The following COX11 variants were observed in gnomAD, a reference collection of about 807,000 sequenced individuals.
COX11 encodes cytochrome c oxidase copper chaperone COX11.
Under a neutral mutation model 29.4 loss-of-function variants are expected in COX11, and 18 were observed. That is an observed-to-expected ratio of 0.61 (90% CI 0.42 to 0.91). The LOEUF (loss-of-function observed/expected upper bound fraction) is 0.91, where lower values mean the gene tolerates loss of function less well. COX11 is among the 40% of genes least tolerant of loss of function. The probability of loss-of-function intolerance (pLI) is 0.00; values close to 1 mark genes in which losing one functional copy is unlikely to be tolerated. For missense variants in COX11, 312 were observed against 346.0 expected (o/e 0.90, Z 0.78); for synonymous variants, 131 against 124.0 (o/e 1.06, Z -0.38).
chr17:54,964,618 G>C (rs1230878392), intron 2 of COX11, 79 bp downstream of exon 2: 1 of 1,324,020 alleles, frequency 7.6e-7, no homozygotes, highest in Non-Finnish European at 1.1e-6. Flanking sequence ...GTTAAAATTA[G>C]TCCTCTGACA....
chr17:54,953,339 A>C (rs1270162595), exon 1 of COX11: 1 of 152,398 alleles, frequency 6.6e-6, no homozygotes, highest in Non-Finnish European at 1.5e-5. Context: ...GCTGCACTCC[A>C]GCCTGGGTAA....
chr17:54,957,054 A>G (rs1480209146), downstream of COX11: 1 of 152,272 alleles, frequency 6.6e-6, no homozygotes. Flanking sequence ...TAAACCAGCT[A>G]GCTGGCTGCA....
Position 54,962,394 on chromosome 17 carries a change from T to C in COX11, c.*339A>G, listed in dbSNP as rs1370551177. On this transcript the variant is annotated 3_prime_UTR_variant, in exon 4 of 4. Coordinates refer to ENST00000299335, the MANE Select transcript of COX11 (RefSeq NM_004375.5). The stretch of plus-strand genomic sequence containing the variant: ...TTTTTGAAAAACATTGTCAGATTCA[T>C]TGCTGTAAGTATGAAGAGTTAATAA... 1 of 997,834 alleles carries C rather than the reference T, an allele frequency of 1.0e-6. No individual in the cohort carries two copies. Among genetic ancestry groups the C allele is most frequent in the Non-Finnish European group, 1.2e-6 (1 of 838,902 alleles). 61.8% of individuals were successfully genotyped at this position (997,834 alleles called of 1,614,324 possible).
intron 1 of COX11, among the ~76,000 whole-genome samples, chr17:54,965,434 A>G (rs2077200582): frequency 6.6e-6 from 1 of 152,198 alleles, no homozygotes; most frequent in East Asian, 1.9e-4. Flanking sequence ...TGTATAGTAG[A>G]GCTTTTATAT....
intron 1 of COX11, 24 bp from the exon 2 acceptor site, chr17:54,964,876 T>TA: frequency 6.2e-7 from 1 of 1,604,228 alleles, no homozygotes. Flanking sequence ...CCAAATATGT[T>TA]AAACAATACT....
chr17:54,953,467 C>G (rs748943277), exon 1 of COX11: 5 of 152,300 alleles, frequency 3.3e-5, no homozygotes, highest in Non-Finnish European at 5.9e-5. Context: ...AGGCAGGGAG[C>G]CCCATGTCCC....
chr17:54,965,987 C>G (rs1462742814), intron 1 of COX11, among the ~76,000 whole-genome samples: 1 of 152,134 alleles, frequency 6.6e-6, no homozygotes, highest in South Asian at 2.1e-4. Flanking sequence ...CAGCAAGATA[C>G]AGTGTTTTAG....
chr17:54,965,629 C>T (rs2077203862), intron 1 of COX11, among the ~76,000 whole-genome samples: 2 of 152,092 alleles, frequency 1.3e-5, no homozygotes, highest in South Asian at 2.1e-4. Context: ...GAGATGGAGA[C>T]CATCCTGGCT....
intron 1 of COX11, among the ~76,000 whole-genome samples, chr17:54,967,040 GCGCACACACACACACACACACACA>G (rs2077238074): frequency 2.6e-5 from 1 of 38,448 alleles, no homozygotes; most frequent in Non-Finnish European, 9.6e-5. Context: ...GTGCGCGCGC[GCGCACACACACACACACACACACA>G]CACACACACG....
At chr17:54,967,589 C>T (rs1263190878) in intron 1 of COX11, among the ~76,000 whole-genome samples, 1 of 148,266 alleles carries the variant, frequency 6.7e-6, no homozygotes, top group African/African-American at 2.5e-5. Flanking sequence ...CTTCTTCTCC[C>T]CGCCCCACCC....
exon 1 of COX11, chr17:54,953,564 C>G (rs2049342460): frequency 6.6e-6 from 1 of 152,272 alleles, no homozygotes; most frequent in Non-Finnish European, 1.5e-5. Context: ...TTTGGACATT[C>G]CCTTTCCTAG....
At chr17:54,959,117 T>A (rs990563628), downstream of COX11, 4 of 152,114 alleles carry the variant, frequency 2.6e-5, no homozygotes, top group Non-Finnish European at 5.9e-5. Flanking sequence ...ACTGAAATCG[T>A]TTTGAGGGAG....
At position 54,968,263 on chromosome 17, in the gene COX11, G is replaced by A. The variant is rs2077306123; in HGVS notation, c.366+18C>T. ...CCTCTCGCGTCTGCGCCACCCTGCG[G>A]GCGGCGCCGGCCCCTACCTGGCAAT... is the stretch of plus-strand genomic sequence containing the variant. On this transcript the variant is annotated intron_variant, in intron 1 of 3. Transcript: ENST00000299335. 3 of 1,601,184 alleles carry A rather than the reference G, an allele frequency of 1.9e-6. No individual in the cohort carries two copies. Among genetic ancestry groups the A allele is most frequent in the Non-Finnish European group, 2.6e-6 (3 of 1,175,560 alleles).
chr17:54,959,776 CAT>C (rs923214702), downstream of COX11, among the ~76,000 whole-genome samples: 25 of 152,018 alleles, frequency 1.6e-4, no homozygotes, highest in Admixed American at 1.3e-3. Context: ...TACCACCACA[CAT>C]GATAATTTTT....
exon 1 of COX11, chr17:54,954,929 CT>C (rs2049417830): frequency 1.3e-5 from 2 of 152,190 alleles, no homozygotes; most frequent in South Asian, 4.1e-4. Context: ...CAGACCATCT[CT>C]TCTGATCTAG....
At position 54,961,246 on chromosome 17, in the gene COX11, T is replaced by A; in HGVS notation, c.*1487A>T. 6.5e-7 allele frequency: 1 copy of A among 1,544,254 alleles called. No homozygotes were observed. Among genetic ancestry groups the A allele is most frequent in the Non-Finnish European group, 8.8e-7 (1 of 1,140,198 alleles). On this transcript the variant is annotated 3_prime_UTR_variant, in exon 4 of 4. Coordinates refer to ENST00000299335, the MANE Select transcript of COX11 (RefSeq NM_004375.5). ...TCTCTTTATTTTAGAAGAAAGTGGATGATCAGCTCACTACCACATCAAAGG... is the reference window on the plus strand; with the variant it reads ...TCTCTTTATTTTAGAAGAAAGTGGAAGATCAGCTCACTACCACATCAAAGG...
At chr17:54,958,675 A>G (rs1003235539), downstream of COX11, among the ~76,000 whole-genome samples, 1 of 143,960 alleles carries the variant, frequency 6.9e-6, no homozygotes, top group Non-Finnish European at 1.5e-5. Flanking sequence ...GGCTGCAGTG[A>G]GCTGAGATCC....
intron 3 of COX11, 67 bp downstream of exon 3, chr17:54,963,239 C>T: frequency 2.6e-6 from 4 of 1,515,006 alleles, no homozygotes; most frequent in Non-Finnish European, 2.7e-6. Context: ...TACTAAAACA[C>T]TAAGTTTCAT....
At chr17:54,968,744 G>C, upstream of COX11, 4 of 1,410,264 alleles carry the variant, frequency 2.8e-6, no homozygotes, top group Non-Finnish European at 3.8e-6. Context: ...GCCTGCCGCT[G>C]CCTTGGCTAC....
Sources: gnomAD v4.1 joint callset for allele counts (sites outside exome capture counted in the v4.1 genomes callset) on GRCh38, gnomAD v4.1.1 for gene constraint, MANE v1.5 for transcripts, NCBI Gene and HGNC (gene_info 2026-07-23, HGNC 2026-07-21) for gene names.